The following CBFB variants were observed in gnomAD, a reference collection of about 807,000 sequenced individuals.
CBFB encodes the protein core-binding factor subunit beta.
A neutral mutation model predicts 30.4 loss-of-function variants in CBFB; 9 were observed. The ratio of observed to expected loss-of-function variants is 0.30; its 90% CI spans 0.18 to 0.52. CBFB has a LOEUF of 0.52. Ranked by LOEUF, CBFB falls within the 20% of genes least tolerant of loss-of-function variation. CBFB has a pLI of 0.97. For missense variants in CBFB, 170 were observed against 244.0 expected (o/e 0.70, Z 2.02); for synonymous variants, 94 against 84.0 (o/e 1.12, Z -0.65).
chr16:67,099,359 C>T lies in CBFB; in HGVS notation c.*581C>T, dbSNP rs1217444926. 4.5e-6 allele frequency: 1 copy of T among 221,216 alleles called. No homozygotes were observed. The highest frequency in any genetic ancestry group is 2.2e-5 in the African/African-American group (1 of 44,618). 13.7% of individuals were successfully genotyped at this position (221,216 alleles called of 1,614,324 possible). On this transcript the variant is annotated 3_prime_UTR_variant, in exon 6 of 6. Coordinates refer to ENST00000412916, the MANE Select transcript of CBFB (RefSeq NM_022845.3). ...AGAGCTGTCTGCCACAGCCTTCTGA[C>T]AAAGTTTACAGTTATTAAAGTTGCA... is the stretch of plus-strand genomic sequence containing the variant.
chr16:67,066,157 C>T (rs16957147), intron 3 of CBFB, among the ~76,000 whole-genome samples: 3,158 of 152,138 alleles, frequency 0.021, 103 homozygotes, highest in African/African-American at 0.072. Context: ...CCTGATCCTG[C>T]ATGCTCCAGG....
intron 2 of CBFB, 139 bp from the exon 3 acceptor site, chr16:67,036,500 A>G (rs1355175180): frequency 3.5e-6 from 2 of 576,332 alleles, no homozygotes; most frequent in Admixed American, 5.7e-5. Flanking sequence ...AAAAATGATG[A>G]GTGCATGTTT....
chr16:67,077,049 A>G (rs1278180563), intron 4 of CBFB, among the ~76,000 whole-genome samples: 2 of 152,198 alleles, frequency 1.3e-5, no homozygotes, highest in South Asian at 2.1e-4. Context: ...GTTATAAATT[A>G]TATGTGTACC....
At chr16:67,056,789 C>G (rs1292750431) in intron 3 of CBFB, among the ~76,000 whole-genome samples, 2 of 151,830 alleles carry the variant, frequency 1.3e-5, no homozygotes, top group Non-Finnish European at 2.9e-5. Context: ...TCAAGCAGGT[C>G]TCCTGCCTCA....
At chr16:67,098,635 T>C in intron 5 of CBFB, 75 bp from the exon 6 acceptor site, 1 of 860,414 alleles carries the variant, frequency 1.2e-6, no homozygotes, top group South Asian at 1.4e-5. Flanking sequence ...TGTGCTACTG[T>C]CTTGTATTTT....
chr16:67,040,086 G>A (rs1209462348), intron 3 of CBFB, among the ~76,000 whole-genome samples: 1 of 152,164 alleles, frequency 6.6e-6, no homozygotes, highest in Admixed American at 6.6e-5. Flanking sequence ...TTAGAGAAAA[G>A]GCATTGCCCT....
intron 4 of CBFB, among the ~76,000 whole-genome samples, chr16:67,075,354 G>C (rs1237333099): frequency 6.6e-6 from 1 of 152,058 alleles, no homozygotes; most frequent in African/African-American, 2.4e-5. Context: ...CAAATGAAAA[G>C]GATTCAGCTT....
chr16:67,043,041 T>C (rs1227753284), intron 3 of CBFB, among the ~76,000 whole-genome samples: 1 of 152,216 alleles, frequency 6.6e-6, no homozygotes, highest in African/African-American at 2.4e-5. Flanking sequence ...TGGTCCACCA[T>C]GCCTTTTATG....
intron 4 of CBFB, among the ~76,000 whole-genome samples, chr16:67,072,739 T>C (rs1452261184): frequency 6.6e-6 from 1 of 152,034 alleles, no homozygotes. Context: ...GTGCTGGGAT[T>C]ACAGGCGTGA....
chr16:67,044,121 A>G (rs576104645), intron 3 of CBFB, among the ~76,000 whole-genome samples: 3 of 152,330 alleles, frequency 2.0e-5, no homozygotes, highest in East Asian at 3.9e-4. Flanking sequence ...ATTATGGTTG[A>G]CCATAAATTA....
At chr16:67,035,958 C>T (rs1966434095) in intron 2 of CBFB, among the ~76,000 whole-genome samples, 1 of 152,070 alleles carries the variant, frequency 6.6e-6, no homozygotes, top group Non-Finnish European at 1.5e-5. Context: ...ATCTGTTGAG[C>T]TCTAACATCC....
At chr16:67,096,047 G>A (rs1403136275) in intron 5 of CBFB, among the ~76,000 whole-genome samples, 1 of 150,738 alleles carries the variant, frequency 6.6e-6, no homozygotes, top group African/African-American at 2.4e-5. Context: ...GGTGGCTCAC[G>A]CCTGTAATCC....
chr16:67,098,726 AC>A lies in CBFB; in HGVS notation c.515del (p.Pro172LeufsTer7), dbSNP rs766528350. 4 of 1,609,624 alleles carry A rather than the reference AC, an allele frequency of 2.5e-6. No individual in the cohort carries two copies. On this transcript the variant is annotated frameshift_variant, in exon 6 of 6. Coordinates refer to ENST00000412916, the MANE Select transcript of CBFB (RefSeq NM_022845.3). LOFTEE classifies it high-confidence loss of function. ...REEMEARRQQDPSPGSNLGGG... is the reference protein window; with the variant it reads ...REEMEARRQQXPSPGSNLGGG... ...TCATTGCAGGCAAGAAGACAACAAG[AC>A]CCTAGTCCTGGTTCCAATTTAGGTG... is the stretch of plus-strand genomic sequence containing the variant.
rs141800735 is a variant in CBFB, at chr16:67,073,863, C to T, written c.399+7065C>T. 2.5e-3 allele frequency among the ~76,000 whole-genome samples: 387 copies of T among 151,940 alleles called. 1 individual carries two copies. Among genetic ancestry groups the T allele is most frequent in the African/African-American group, 9.0e-3 (374 of 41,444 alleles). ...CCAGCCTGGCCAACATGGTGAAACC[C>T]GTCTCAACCAAAACTACAAAAATTA... On this transcript the variant is annotated intron_variant, in intron 4 of 5. Coordinates refer to ENST00000412916, the MANE Select transcript of CBFB (RefSeq NM_022845.3).
chr16:67,033,658 C>G (rs1189960678), intron 2 of CBFB, among the ~76,000 whole-genome samples: 1 of 150,034 alleles, frequency 6.7e-6, no homozygotes, highest in Non-Finnish European at 1.5e-5. Context: ...GTCGCCCAGG[C>G]TGGAGTGCAG....
intron 3 of CBFB, among the ~76,000 whole-genome samples, chr16:67,059,951 C>G (rs1223483819): frequency 6.7e-6 from 1 of 150,262 alleles, no homozygotes; most frequent in Non-Finnish European, 1.5e-5. Flanking sequence ...TTGTTGCAAA[C>G]TTTTAATTCT....
At chr16:67,087,846 T>A (rs1234632727) in intron 5 of CBFB, among the ~76,000 whole-genome samples, 1 of 152,204 alleles carries the variant, frequency 6.6e-6, no homozygotes, top group African/African-American at 2.4e-5. Flanking sequence ...AAAATGCTTG[T>A]AAAGCACTTA....
intron 3 of CBFB, among the ~76,000 whole-genome samples, chr16:67,038,775 CAAA>C (rs748818065): frequency 7.4e-6 from 1 of 135,104 alleles, no homozygotes; most frequent in Non-Finnish European, 1.6e-5. Flanking sequence ...AGACGTAAAC[CAAA>C]AAAAAAAAAA....
At chr16:67,095,707 T>C (rs1464370199) in intron 5 of CBFB, among the ~76,000 whole-genome samples, 1 of 150,844 alleles carries the variant, frequency 6.6e-6, no homozygotes, top group Non-Finnish European at 1.5e-5. Context: ...TTTTTTTTTT[T>C]TGGAGACAGA....
Sources: gnomAD v4.1 joint callset for allele counts (sites outside exome capture counted in the v4.1 genomes callset) on GRCh38, gnomAD v4.1.1 for gene constraint, MANE v1.5 for transcripts, NCBI Gene and HGNC (gene_info 2026-07-23, HGNC 2026-07-21) for gene names.